Variants in ABI3BP observed in about 807,000 individuals in gnomAD.
ABI3BP encodes the protein ABI family member 3 binding protein.
ABI3BP carries 216 observed loss-of-function variants against 268.6 expected under a neutral mutation model. That is an observed-to-expected ratio of 0.80 (90% confidence interval 0.72 to 0.90). The LOEUF is 0.90. Ranked by LOEUF, ABI3BP falls within the 40% of genes least tolerant of loss-of-function variation. ABI3BP has a pLI of 0.00. For synonymous variants in ABI3BP, 730 were observed against 730.0 expected, an observed-to-expected ratio of 1.00 and a Z score of 0.00; for missense variants, 2,090 against 2,182.4, an observed-to-expected ratio of 0.96 and a Z score of 0.84.
intron 63 of ABI3BP, among the ~76,000 whole-genome samples, chr3:100,764,695 G>A (rs987423196): frequency 5.9e-5 from 9 of 152,178 alleles, no homozygotes; most frequent in Non-Finnish European, 1.2e-4. Flanking sequence ...CTATTAAAAA[G>A]TCCAAATTAA....
chr3:100,801,661 T>G (rs1173026575), intron 51 of ABI3BP, among the ~76,000 whole-genome samples: 1 of 152,000 alleles, frequency 6.6e-6, no homozygotes, highest in Non-Finnish European at 1.5e-5. Context: ...CCATCTTGCC[T>G]CTAGGAAAAT....
chr3:100,817,166 T>C (rs1370722035), intron 42 of ABI3BP, among the ~76,000 whole-genome samples: 1 of 152,206 alleles, frequency 6.6e-6, no homozygotes, highest in African/African-American at 2.4e-5. Context: ...GTGACATGAA[T>C]GCTGTTTAGA....
At chr3:100,753,920 T>C in intron 64 of ABI3BP, 72 bp from the exon 65 acceptor site, 1 of 1,439,236 alleles carries the variant, frequency 6.9e-7, no homozygotes, top group Non-Finnish European at 9.6e-7. Context: ...ATGGTGAAGA[T>C]GATGGGGGCT....
chr3:100,757,830 T>TA (rs559302808), intron 63 of ABI3BP, among the ~76,000 whole-genome samples: 1,540 of 150,300 alleles, frequency 0.01, 16 homozygotes, highest in African/African-American at 0.027. Context: ...GACAAAATGG[T>TA]AAAAAAAAAA....
At chr3:100,846,775 C>G (rs2098773963) in intron 19 of ABI3BP, among the ~76,000 whole-genome samples, 1 of 151,720 alleles carries the variant, frequency 6.6e-6, no homozygotes, top group Non-Finnish European at 1.5e-5. Flanking sequence ...TATTTTGCAC[C>G]CTTACTTCAT....
Position 100,749,454 on chromosome 3 carries a change from TGACTGCAACAGTGCAGCAAG to T in ABI3BP, c.*1021_*1040del. ...AGTACAGGGAAAGGTCCTTTCAGAA[TGACTGCAACAGTGCAGCAAG>T]GATTCCCATTCCCCGCCTAAAGGAC... On this transcript the variant is annotated 3_prime_UTR_variant, in exon 68 of 68. Coordinates refer to ENST00000471714, the MANE Select transcript of ABI3BP (RefSeq NM_001375547.2). The T allele has an allele frequency of 2.5e-6, 1 of 393,006 alleles. No homozygotes were observed. Among genetic ancestry groups the T allele is most frequent in the Non-Finnish European group, 4.5e-6 (1 of 222,596 alleles). 24.3% of individuals were successfully genotyped at this position (393,006 alleles called of 1,614,324 possible).
At chr3:100,908,309 C>T (rs1434354752) in intron 2 of ABI3BP, among the ~76,000 whole-genome samples, 1 of 152,094 alleles carries the variant, frequency 6.6e-6, no homozygotes, top group East Asian at 1.9e-4. Context: ...CTGGCACCAA[C>T]AATGATACTG....
chr3:100,808,855 A>G (rs566296826), intron 49 of ABI3BP, among the ~76,000 whole-genome samples: 1 of 152,082 alleles, frequency 6.6e-6, no homozygotes, highest in Non-Finnish European at 1.5e-5. Context: ...ACCAAAAAAA[A>G]TTGAAAAATC....
intron 1 of ABI3BP, among the ~76,000 whole-genome samples, chr3:100,968,680 CT>C (rs977620645): frequency 8.5e-5 from 13 of 152,056 alleles, no homozygotes; most frequent in African/African-American, 2.4e-4. Flanking sequence ...TTTTAGTGTA[CT>C]TTTTTTCATT....
chr3:100,848,680 G>T, intron 18 of ABI3BP, 121 bp downstream of exon 18: 1 of 900,014 alleles, frequency 1.1e-6, no homozygotes, highest in Non-Finnish European at 1.8e-6. Flanking sequence ...TCCTGCCTTG[G>T]CCTCCCAAAG....
At chr3:100,763,836 A>G (rs985027849) in intron 63 of ABI3BP, among the ~76,000 whole-genome samples, 1 of 152,254 alleles carries the variant, frequency 6.6e-6, no homozygotes, top group Non-Finnish European at 1.5e-5. Flanking sequence ...GTTATTTTTT[A>G]TTAGATTTAT....
At chr3:100,844,818 T>C (rs946512056) in intron 20 of ABI3BP, among the ~76,000 whole-genome samples, 9 of 152,088 alleles carry the variant, frequency 5.9e-5, no homozygotes, top group Admixed American at 6.6e-5. Context: ...GGTTTAGAAA[T>C]CAAAGGAATG....
intron 59 of ABI3BP, among the ~76,000 whole-genome samples, chr3:100,777,740 G>A (rs72930669): frequency 0.011 from 1,751 of 152,270 alleles, 35 homozygotes; most frequent in African/African-American, 0.029. Context: ...CCCAGGCATG[G>A]AGGTAAGAGG....
chr3:100,834,868 C>G (rs1194368572), intron 28 of ABI3BP, 95 bp from the exon 29 acceptor site: 2 of 1,192,628 alleles, frequency 1.7e-6, no homozygotes, highest in African/African-American at 3.1e-5. Context: ...TTTCCTAAGT[C>G]TTGAGAAATT....
rs749743735 is a variant in ABI3BP at position 100,850,039 on chromosome 3, A to C, written c.1501+6T>G. The C allele has an allele frequency of 1.2e-6, 2 of 1,608,614 alleles. No individual in the cohort carries two copies. Among genetic ancestry groups the C allele is most frequent in the Non-Finnish European group, 1.7e-6 (2 of 1,176,772 alleles). On this transcript the variant is annotated splice_donor_region_variant and intron_variant, in intron 17 of 67. Transcript: ENST00000471714. ...CATACATAACTACATAAATGTCATT[A>C]GTTACCAGGTGTCGTAGGCTGCATT...
chr3:100,902,477 G>A, intron 3 of ABI3BP, 141 bp downstream of exon 3: 1 of 676,366 alleles, frequency 1.5e-6, no homozygotes, highest in Non-Finnish European at 2.4e-6. Context: ...CTCCAAAAGG[G>A]TAAACTGTGG....
chr3:100,893,609 C>A (rs9290245), intron 4 of ABI3BP, among the ~76,000 whole-genome samples: 91,879 of 151,704 alleles, frequency 0.61, 32,104 homozygotes, highest in Non-Finnish European at 0.78. Flanking sequence ...AAAGGGATGG[C>A]AACTAGTGAG....
At chr3:100,750,741 G>A (rs1247129573) in intron 67 of ABI3BP, 131 bp from the exon 68 acceptor site, 1 of 631,972 alleles carries the variant, frequency 1.6e-6, no homozygotes, top group East Asian at 2.9e-5. Flanking sequence ...AGAAAACTGA[G>A]AGCAAGAAGT....
At chr3:100,816,055 T>C (rs1013786002) in intron 43 of ABI3BP, 84 bp from the exon 44 acceptor site, 4 of 1,044,822 alleles carry the variant, frequency 3.8e-6, no homozygotes, top group Non-Finnish European at 5.4e-6. Flanking sequence ...AAACATGAGT[T>C]TCAAATGATA....
Sources: gnomAD v4.1 joint callset for allele counts (sites outside exome capture counted in the v4.1 genomes callset) on GRCh38, gnomAD v4.1.1 for gene constraint, MANE v1.5 for transcripts, NCBI Gene and HGNC (gene_info 2026-07-23, HGNC 2026-07-21) for gene names.